RDX: variants seen among roughly 807,000 people sequenced by gnomAD.
The protein encoded by RDX is radixin.
RDX carries 32 observed loss-of-function variants against 83.7 expected under a neutral mutation model. The ratio of observed to expected loss-of-function variants is 0.38; its 90% CI spans 0.29 to 0.51. The LOEUF (loss-of-function observed/expected upper bound fraction) is 0.51. RDX is among the 20% of genes least tolerant of loss of function. The pLI, the probability that RDX is intolerant of heterozygous loss-of-function variation, is 0.87. For synonymous variants in RDX, 229 were observed against 222.7 expected, an observed-to-expected ratio of 1.03 and a Z score of -0.25; for missense variants, 600 against 689.9, an observed-to-expected ratio of 0.87 and a Z score of 1.46.
chr11:110,189,394 T>C (rs189808391), intron 15 of RDX, among the ~76,000 whole-genome samples: 171 of 151,548 alleles, frequency 1.1e-3, no homozygotes, highest in Non-Finnish European at 1.7e-3. Context: ...ACTATGAAAA[T>C]ACTTAGCCAC....
intron 5 of RDX, among the ~76,000 whole-genome samples, chr11:110,262,578 A>G (rs985708198): frequency 2.9e-5 from 4 of 138,890 alleles, no homozygotes; most frequent in Non-Finnish European, 6.2e-5. Context: ...ACAGAGCAAG[A>G]CTCCATCTCA....
At chr11:110,241,218 A>C (rs1018879273) in intron 10 of RDX, among the ~76,000 whole-genome samples, 1 of 152,194 alleles carries the variant, frequency 6.6e-6, no homozygotes, top group Non-Finnish European at 1.5e-5. Context: ...CCATAGCGAT[A>C]TTCTACGATT....
intron 14 of RDX, among the ~76,000 whole-genome samples, chr11:110,209,156 C>T (rs1222939512): frequency 3.3e-5 from 5 of 152,112 alleles, no homozygotes; most frequent in Admixed American, 1.3e-4. Flanking sequence ...TGAAGCAGGG[C>T]GAGGCATTGC....
At chr11:110,291,211 G>A (rs1861228261) in intron 1 of RDX, among the ~76,000 whole-genome samples, 1 of 152,024 alleles carries the variant, frequency 6.6e-6, no homozygotes, top group Non-Finnish European at 1.5e-5. Context: ...TGTAGTCTTA[G>A]CTACTCCAGA....
rs145186488 is a variant in RDX at position 110,190,083 on chromosome 11, C to G, written c.*31+9498G>C. ...AGGCAACAAGAGCGAAACTCCATCT[C>G]AAAAAAAAAATTATTTGGAATACAT... On this transcript the variant is annotated intron_variant, in intron 15 of 15. Coordinates refer to the RDX transcript ENST00000528498. Among the ~76,000 whole-genome samples, 939 of 149,154 alleles carry G rather than the reference C, an allele frequency of 6.3e-3. 11 individuals are homozygous for G. Among genetic ancestry groups the G allele is most frequent in the African/African-American group, 0.021 (848 of 40,728 alleles).
chr11:110,236,327 T>G (rs1417638390), intron 11 of RDX, 136 bp from the exon 12 acceptor site: 3 of 670,076 alleles, frequency 4.5e-6, no homozygotes, highest in Middle Eastern at 3.4e-4. Flanking sequence ...CAGTATTTCT[T>G]AAGATCTTAA....
At chr11:110,277,161 T>A (rs1171453063) in intron 2 of RDX, among the ~76,000 whole-genome samples, 1 of 152,194 alleles carries the variant, frequency 6.6e-6, no homozygotes, top group Non-Finnish European at 1.5e-5. Flanking sequence ...TAATTTTGAC[T>A]CTTTAAGGAA....
exon 16 of RDX, chr11:110,175,003 CAAT>C (rs1862741664): frequency 6.6e-6 from 1 of 152,264 alleles, no homozygotes; most frequent in Non-Finnish European, 1.5e-5. Context: ...ACACCTGCGA[CAAT>C]GATGTCACTT....
At chr11:110,253,888 T>C in intron 9 of RDX, 58 bp downstream of exon 9, 1 of 1,528,386 alleles carries the variant, frequency 6.5e-7, no homozygotes, top group Non-Finnish European at 9.0e-7. Context: ...CTGAGCAGTC[T>C]TAAATTTTAG....
At chr11:110,278,030 T>C (rs1860587958) in intron 2 of RDX, among the ~76,000 whole-genome samples, 1 of 152,218 alleles carries the variant, frequency 6.6e-6, no homozygotes, top group Non-Finnish European at 1.5e-5. Flanking sequence ...TTTGTGCCAA[T>C]ACCATTTGTT....
intron 15 of RDX, among the ~76,000 whole-genome samples, chr11:110,196,468 T>A (rs1435568934): frequency 1.3e-5 from 2 of 152,194 alleles, no homozygotes; most frequent in African/African-American, 4.8e-5. Context: ...CACATATAGA[T>A]TTTGCAATGT....
chr11:110,286,391 C>G (rs1017251637), intron 1 of RDX, among the ~76,000 whole-genome samples: 3 of 152,212 alleles, frequency 2.0e-5, no homozygotes, highest in African/African-American at 7.2e-5. Context: ...AACATTCTCT[C>G]CTTTGTCTTT....
chr11:110,204,230 G>A (rs1263443581), intron 14 of RDX, among the ~76,000 whole-genome samples: 1 of 145,264 alleles, frequency 6.9e-6, no homozygotes, highest in African/African-American at 2.5e-5. Flanking sequence ...GAAACGGTGA[G>A]AATGAAACAA....
At chr11:110,276,265 T>A (rs1860514097) in intron 2 of RDX, among the ~76,000 whole-genome samples, 1 of 152,222 alleles carries the variant, frequency 6.6e-6, no homozygotes, top group South Asian at 2.1e-4. Context: ...AATCCCAACA[T>A]AATTTATTAA....
intron 14 of RDX, among the ~76,000 whole-genome samples, chr11:110,212,776 A>G (rs1216115243): frequency 1.3e-3 from 164 of 128,992 alleles, no homozygotes; most frequent in Middle Eastern, 3.9e-3. Context: ...CCTTTGACAA[A>G]ATTCAACAAC....
intron 1 of RDX, among the ~76,000 whole-genome samples, chr11:110,290,116 G>A (rs1012782142): frequency 5.3e-5 from 8 of 151,724 alleles, no homozygotes; most frequent in Non-Finnish European, 1.0e-4. Flanking sequence ...ACAACAGGAA[G>A]ATTTAACAAA....
At position 110,263,988 on chromosome 11, in the gene RDX, G is replaced by A. The variant is rs1859915180; in HGVS notation, c.439C>T (p.Leu147=). Residue 147 remains leucine, a synonymous_variant, in exon 5 of 14, where the codon CTG becomes TTG. Coordinates refer to ENST00000645495, the MANE Select transcript of RDX (RefSeq NM_002906.4). ...TGGGGTAGGAGTCTATCATTAGCCA[G>A]GTAGCCTGGCTTATGAATCTCTTTA... ...YNKEIHKPGY[L]ANDRLLPQRV... 6.2e-7 allele frequency: 1 copy of A among 1,613,742 alleles called. No homozygotes were observed. Among genetic ancestry groups the A allele is most frequent in the Non-Finnish European group, 8.5e-7 (1 of 1,179,740 alleles).
chr11:110,186,163 C>T (rs972681587), intron 15 of RDX, among the ~76,000 whole-genome samples: 40 of 152,188 alleles, frequency 2.6e-4, no homozygotes, highest in African/African-American at 8.0e-4. Context: ...CCCAGCTTGA[C>T]GGGTGTGGGC....
chr11:110,274,777 T>C (rs1860445903), intron 2 of RDX, among the ~76,000 whole-genome samples: 1 of 152,238 alleles, frequency 6.6e-6, no homozygotes, highest in Admixed American at 6.5e-5. Flanking sequence ...TTCACTGCTA[T>C]GCAACATTCT....
Sources: allele counts gnomAD v4.1 joint callset (sites outside exome capture counted in the v4.1 genomes callset), GRCh38; gene constraint gnomAD v4.1.1; transcripts MANE v1.5; gene names NCBI Gene and HGNC (gene_info 2026-07-23, HGNC 2026-07-21).